Variants in PCDHGA3 observed in about 807,000 individuals in gnomAD.
The protein encoded by PCDHGA3 is protocadherin gamma-A3.
PCDHGA3 carries 40 observed loss-of-function variants against 58.5 expected under a neutral mutation model. That is an observed-to-expected ratio of 0.68 (90% CI 0.53 to 0.89). The LOEUF (loss-of-function observed/expected upper bound fraction) is 0.89. Among genes scored for constraint, PCDHGA3 ranks in the 40% least tolerant of loss-of-function variants. The pLI, the probability that PCDHGA3 is intolerant of heterozygous loss-of-function variation, is 0.00. For missense variants in PCDHGA3, 1,223 were observed against 1,195.9 expected, an observed-to-expected ratio of 1.02 and a Z score of -0.33; for synonymous variants, 530 against 525.7, an observed-to-expected ratio of 1.01 and a Z score of -0.11.
At chr5:141,366,283 G>A (rs1283624984) in intron 1 of PCDHGA3, 10 of 1,613,592 alleles carry the variant, frequency 6.2e-6, no homozygotes, top group Non-Finnish European at 8.5e-6. Context: ...ACCATGGCCA[G>A]CCCCCTCTGT....
At chr5:141,404,391 A>C (rs773558298) in intron 1 of PCDHGA3, 1 of 1,613,924 alleles carries the variant, frequency 6.2e-7, no homozygotes, top group South Asian at 1.1e-5. Context: ...TATGACCCTG[A>C]TAGCAATGAG....
chr5:141,421,058 A>G, intron 1 of PCDHGA3: 2 of 577,316 alleles, frequency 3.5e-6, no homozygotes, highest in Non-Finnish European at 3.0e-6. Context: ...TCTACCACAC[A>G]AAGCGGAATG....
chr5:141,448,803 G>A (rs2098607666), intron 1 of PCDHGA3, among the ~76,000 whole-genome samples: 2 of 152,020 alleles, frequency 1.3e-5, no homozygotes, highest in South Asian at 4.1e-4. Flanking sequence ...AAATTAGCCA[G>A]GCGTGATGGC....
chr5:141,410,631 C>CT (rs768462511), intron 1 of PCDHGA3: 26 of 1,600,818 alleles, frequency 1.6e-5, no homozygotes, highest in Non-Finnish European at 2.2e-5. Context: ...GTGAGTTTCT[C>CT]TTTTTTGTGT....
chr5:141,359,281 T>A (rs1761165080), intron 1 of PCDHGA3, among the ~76,000 whole-genome samples: 1 of 152,142 alleles, frequency 6.6e-6, no homozygotes, highest in Non-Finnish European at 1.5e-5. Context: ...GCTCAATTGG[T>A]CTGAAACTGT....
chr5:141,420,337 A>G, intron 1 of PCDHGA3: 8 of 1,402,708 alleles, frequency 5.7e-6, no homozygotes, highest in Non-Finnish European at 7.6e-6. Flanking sequence ...ATTCCAATAT[A>G]GTGGTATTAT....
chr5:141,421,130 A>G, intron 1 of PCDHGA3: 1 of 827,800 alleles, frequency 1.2e-6, no homozygotes, highest in South Asian at 1.8e-5. Context: ...GCTTTCTGAT[A>G]TATTTTGGAT....
chr5:141,415,177 G>C, intron 1 of PCDHGA3: 3 of 1,613,926 alleles, frequency 1.9e-6, no homozygotes, highest in Non-Finnish European at 2.5e-6. Context: ...CACCGTGGCC[G>C]TGGCCGACAG....
intron 1 of PCDHGA3, chr5:141,377,572 G>A (rs1046181930): frequency 4.6e-5 from 7 of 151,346 alleles, no homozygotes; most frequent in Admixed American, 1.3e-4. Context: ...CCCTAGCCTG[G>A]GAGACAGAAT....
intron 1 of PCDHGA3, chr5:141,366,813 T>G (rs1281662720): frequency 6.5e-7 from 1 of 1,549,490 alleles, no homozygotes. Flanking sequence ...TTTTCATGTT[T>G]CTGTCATATT....
At chr5:141,362,677 G>A in intron 1 of PCDHGA3, 2 of 1,225,610 alleles carry the variant, frequency 1.6e-6, no homozygotes, top group Non-Finnish European at 1.1e-6. Flanking sequence ...TGCCTTAATT[G>A]TCTTAATCTT....
intron 2 of PCDHGA3, among the ~76,000 whole-genome samples, chr5:141,502,186 CA>C (rs1470455379): frequency 1.3e-5 from 2 of 152,148 alleles, no homozygotes; most frequent in Non-Finnish European, 2.9e-5. Context: ...AACATTAATA[CA>C]ATAATATAGA....
chr5:141,509,060 T>G (rs2099874519), intron 3 of PCDHGA3, among the ~76,000 whole-genome samples: 1 of 152,216 alleles, frequency 6.6e-6, no homozygotes, highest in Middle Eastern at 3.4e-3. Flanking sequence ...CAGAAAGCTC[T>G]CAGCTCCGGG....
At chr5:141,415,122 C>T (rs552568826) in intron 1 of PCDHGA3, 34 of 1,613,668 alleles carry the variant, frequency 2.1e-5, no homozygotes, top group Admixed American at 6.7e-5. Flanking sequence ...TCGTAGTGGC[C>T]GTCCAGGACC....
chr5:141,409,023 A>G, intron 1 of PCDHGA3: 4 of 1,614,044 alleles, frequency 2.5e-6, no homozygotes, highest in Non-Finnish European at 3.4e-6. Flanking sequence ...GAGGGGGTCA[A>G]TGCTGAGATA....
chr5:141,428,773 T>C (rs1036838681), intron 1 of PCDHGA3: 1 of 154,174 alleles, frequency 6.5e-6, no homozygotes, highest in Admixed American at 6.4e-5. Context: ...CCACTCTTAA[T>C]ATTTCCTGTT....
At position 141,431,416 on chromosome 5, in the gene PCDHGA3, C is replaced by T. The variant is rs778722151; in HGVS notation, c.2425-63391C>T. Reference sequence around the variant, plus strand: ...TCCTTACGGCCTCCGACGGGGGCGACCCGGTGCGCACAGGCACCGCGCGCA... The same window carrying T: ...TCCTTACGGCCTCCGACGGGGGCGATCCGGTGCGCACAGGCACCGCGCGCA... On this transcript the variant is annotated intron_variant, in intron 1 of 3. Transcript: ENST00000253812. This position sits in a 1 kb window ranked among gnomAD's most constrained non-coding sequence, Gnocchi z 4.8. 2.5e-6 allele frequency: 4 copies of T among 1,613,714 alleles called. No homozygotes were observed. Among genetic ancestry groups the T allele is most frequent in the Admixed American group, 1.7e-5 (1 of 60,028 alleles).
intron 1 of PCDHGA3, chr5:141,414,464 A>G (rs1331771342): frequency 1.2e-6 from 2 of 1,613,904 alleles, no homozygotes; most frequent in African/African-American, 1.3e-5. Context: ...ACAGCCACAG[A>G]TGGGGGAAGT....
chr5:141,364,386 T>C lies in PCDHGA3; in HGVS notation c.2424+17929T>C, dbSNP rs543592741. 3.8e-6 allele frequency: 6 copies of C among 1,592,054 alleles called. No homozygotes were observed. In the Admixed American group the frequency reaches 8.9e-5, roughly 24 times the overall value. On this transcript the variant is annotated intron_variant, in intron 1 of 3. Transcript: ENST00000253812. ...GGAGAGCTGCTGCTGCCCTTCATGC[T>C]CCTGGGGACGCTGTGCGAGCCAGGA...
Sources: gnomAD v4.1 joint callset for allele counts (sites outside exome capture counted in the v4.1 genomes callset) on GRCh38, gnomAD v4.1.1 for gene constraint, Gnocchi (gnomAD v3.1) non-coding constraint, MANE v1.5 for transcripts, NCBI Gene and HGNC (gene_info 2026-07-23, HGNC 2026-07-21) for gene names.